Variants in RPS6KA2 observed in about 807,000 individuals in gnomAD.
The protein encoded by RPS6KA2 is ribosomal protein S6 kinase A2, also known as ribosomal protein S6 kinase alpha-2.
In RPS6KA2, 42 loss-of-function variants were observed where a neutral mutation model predicts 91.8. That is an observed-to-expected ratio of 0.46 (90% CI 0.36 to 0.59). RPS6KA2 has a LOEUF of 0.59. Among genes scored for constraint, RPS6KA2 ranks in the 20% least tolerant of loss-of-function variants. RPS6KA2 has a pLI of 0.00. For synonymous variants in RPS6KA2, 414 were observed against 393.6 expected, an observed-to-expected ratio of 1.05 and a Z score of -0.61; for missense variants, 798 against 978.5, an observed-to-expected ratio of 0.82 and a Z score of 2.46.
intron 2 of RPS6KA2, among the ~76,000 whole-genome samples, chr6:166,793,424 C>T (rs1028953138): frequency 7.7e-4 from 116 of 150,574 alleles, no homozygotes; most frequent in African/African-American, 2.7e-3. Flanking sequence ...AATGGCCATA[C>T]TGCCCAAGGT....
chr6:166,811,006 CT>C (rs1374370375), intron 2 of RPS6KA2, among the ~76,000 whole-genome samples: 28 of 152,308 alleles, frequency 1.8e-4, no homozygotes, highest in Non-Finnish European at 3.5e-4. Context: ...GCCCGCACAG[CT>C]GGCAAATAGT....
At chr6:166,696,702 T>A (rs1017620415) in intron 2 of RPS6KA2, among the ~76,000 whole-genome samples, 5 of 152,144 alleles carry the variant, frequency 3.3e-5, no homozygotes, top group Non-Finnish European at 7.3e-5. Context: ...GTCAAGCAGA[T>A]GCCCTCTCCA....
At position 166,726,131 on chromosome 6, in the gene RPS6KA2, T is replaced by G. The variant is rs372197485; in HGVS notation, c.123+132069A>C. 1.0e-4 allele frequency among the ~76,000 whole-genome samples: 6 copies of G among 59,614 alleles called. No individual in the cohort carries two copies. The highest frequency in any genetic ancestry group is 1.6e-4 in the Non-Finnish European group (6 of 38,506). The allele number at this position is 59,614 out of a possible 152,430, so 39.1% of individuals were successfully genotyped here. A position where few individuals can be genotyped will look rare whatever the true frequency, so the allele number is the denominator to read the frequency against. On this transcript the variant is annotated intron_variant, in intron 2 of 21. Coordinates refer to the RPS6KA2 transcript ENST00000503859. The surrounding 1 kb of genome is among the most constrained non-coding windows in gnomAD (Gnocchi z 4.4). ...GCCCTTAGGCTACAATATAGAAGATTTTTTTTTTTTTTTAGTTTAAAATCT... is the reference window on the plus strand; with the variant it reads ...GCCCTTAGGCTACAATATAGAAGATGTTTTTTTTTTTTTAGTTTAAAATCT...
At chr6:166,574,265 G>A (rs1407461227) in intron 1 of RPS6KA2, among the ~76,000 whole-genome samples, 1 of 152,212 alleles carries the variant, frequency 6.6e-6, no homozygotes, top group Non-Finnish European at 1.5e-5. Flanking sequence ...CGTCACCCGG[G>A]TACTGAGCAC....
At chr6:166,544,008 G>A (rs749350904) in intron 1 of RPS6KA2, among the ~76,000 whole-genome samples, 3 of 152,240 alleles carry the variant, frequency 2.0e-5, no homozygotes, top group Non-Finnish European at 4.4e-5. Context: ...TGCCCTGTGA[G>A]GCTGTAAACA....
At chr6:166,518,251 C>CAA (rs11373431) in intron 3 of RPS6KA2, among the ~76,000 whole-genome samples, 5,195 of 87,096 alleles carry the variant, frequency 0.06, 589 homozygotes, top group African/African-American at 0.23. Context: ...AACACTGCCT[C>CAA]AAAAAAAAAA....
chr6:166,774,841 C>T (rs189527386), intron 2 of RPS6KA2, among the ~76,000 whole-genome samples: 5 of 149,496 alleles, frequency 3.3e-5, no homozygotes, highest in East Asian at 1.9e-4. Flanking sequence ...TCTTTGAGAA[C>T]GCTGGCATGT....
At chr6:166,415,926 C>A (rs958455122) in intron 19 of RPS6KA2, among the ~76,000 whole-genome samples, 1 of 149,990 alleles carries the variant, frequency 6.7e-6, no homozygotes, top group African/African-American at 2.5e-5. Context: ...TCCTCCATCA[C>A]CCCCACCATT....
rs1787713454 is a variant in RPS6KA2, at chr6:166,648,126, A to G, written c.124-109342T>C. 6.6e-6 allele frequency among the ~76,000 whole-genome samples: 1 copy of G among 150,800 alleles called. No homozygotes were observed. The highest frequency in any genetic ancestry group is 1.5e-5 in the Non-Finnish European group (1 of 67,734). ...CACACACGTGCACACACACGCTCATACACATACATGCACACACGCACATGG... is the reference window on the plus strand; with the variant it reads ...CACACACGTGCACACACACGCTCATGCACATACATGCACACACGCACATGG... On this transcript the variant is annotated intron_variant, in intron 2 of 21. Transcript: ENST00000503859. The surrounding 1 kb of genome is among the most constrained non-coding windows in gnomAD (Gnocchi z 4.8).
At chr6:166,689,804 C>A (rs1562384948) in intron 2 of RPS6KA2, among the ~76,000 whole-genome samples, 1 of 152,238 alleles carries the variant, frequency 6.6e-6, no homozygotes, top group East Asian at 1.9e-4. Context: ...CAGCTCTGTG[C>A]CCATGAGGGT....
At chr6:166,416,722 A>G (rs1778544361) in intron 19 of RPS6KA2, among the ~76,000 whole-genome samples, 1 of 148,802 alleles carries the variant, frequency 6.7e-6, no homozygotes, top group Admixed American at 6.7e-5. Flanking sequence ...CGTCACCTCC[A>G]CCATCCCTCC....
chr6:166,588,388 G>A (rs886553528), intron 1 of RPS6KA2, among the ~76,000 whole-genome samples: 3 of 152,146 alleles, frequency 2.0e-5, no homozygotes, highest in Admixed American at 1.3e-4. Context: ...AATGAGGGGT[G>A]GCTGAACTGG....
At chr6:166,580,096 C>G (rs1170149898) in intron 1 of RPS6KA2, among the ~76,000 whole-genome samples, 1 of 152,244 alleles carries the variant, frequency 6.6e-6, no homozygotes, top group Non-Finnish European at 1.5e-5. Flanking sequence ...GGGCTTTGGG[C>G]CCCCGGGCCT....
chr6:166,608,026 A>ACATCACAGATCCAG (rs1786017134), intron 1 of RPS6KA2, among the ~76,000 whole-genome samples: 1 of 152,094 alleles, frequency 6.6e-6, no homozygotes, highest in Non-Finnish European at 1.5e-5. Context: ...AAAAAAAAAA[A>ACATCACAGATCCAG]AAAGAGAGAG....
intron 15 of RPS6KA2, among the ~76,000 whole-genome samples, chr6:166,432,022 T>C (rs1345214804): frequency 6.6e-6 from 1 of 152,226 alleles, no homozygotes; most frequent in Non-Finnish European, 1.5e-5. Context: ...CCCAATATCC[T>C]GTGACTCTAG....
intron 1 of RPS6KA2, among the ~76,000 whole-genome samples, chr6:166,617,368 T>A (rs960081817): frequency 3.9e-5 from 6 of 152,228 alleles, no homozygotes; most frequent in Admixed American, 3.3e-4. Flanking sequence ...TAAAAATTTT[T>A]AAGTAATCAA....
intron 2 of RPS6KA2, among the ~76,000 whole-genome samples, chr6:166,661,882 A>G (rs1338604589): frequency 3.9e-5 from 6 of 152,158 alleles, no homozygotes; most frequent in Non-Finnish European, 7.3e-5. Flanking sequence ...CTATGAAGGG[A>G]GGAGCTTCTT....
chr6:166,652,877 G>T (rs1343529019), intron 2 of RPS6KA2, among the ~76,000 whole-genome samples: 1 of 152,146 alleles, frequency 6.6e-6, no homozygotes, highest in Non-Finnish European at 1.5e-5. Context: ...TTCCATCAGG[G>T]TGCAACTCAG....
intron 2 of RPS6KA2, among the ~76,000 whole-genome samples, chr6:166,817,314 A>T (rs753845302): frequency 1.3e-5 from 2 of 152,116 alleles, no homozygotes; most frequent in Admixed American, 6.6e-5. Flanking sequence ...TCTGGCAATT[A>T]TGTGTATTAT....
Sources: allele counts gnomAD v4.1 joint callset (sites outside exome capture counted in the v4.1 genomes callset), GRCh38; gene constraint gnomAD v4.1.1; non-coding constraint Gnocchi (gnomAD v3.1); transcripts MANE v1.5; gene names NCBI Gene and HGNC (gene_info 2026-07-23, HGNC 2026-07-21).